ATXN1: variants seen among roughly 807,000 people sequenced by gnomAD.
ATXN1 encodes ataxin-1.
Under a neutral mutation model 56.4 loss-of-function variants are expected in ATXN1, and 8 were observed. The ratio of observed to expected loss-of-function variants is 0.14; its 90% confidence interval spans 0.08 to 0.26. The LOEUF (loss-of-function observed/expected upper bound fraction) is 0.26, where lower values mean the gene tolerates loss of function less well. Ranked by LOEUF, ATXN1 falls within the 10% of genes least tolerant of loss-of-function variation. ATXN1 has a pLI of 1.00. For synonymous variants in ATXN1, 514 were observed against 494.6 expected, an observed-to-expected ratio of 1.04 and a Z score of -0.52; for missense variants, 987 against 1,106.5, an observed-to-expected ratio of 0.89 and a Z score of 1.53.
intron 3 of ATXN1, among the ~76,000 whole-genome samples, chr6:16,617,594 C>A (rs988548394): frequency 2.6e-5 from 4 of 151,892 alleles, no homozygotes; most frequent in African/African-American, 9.7e-5. Flanking sequence ...GAAACCCCGT[C>A]TCTACTAAAA....
intron 6 of ATXN1, among the ~76,000 whole-genome samples, chr6:16,390,728 G>T (rs1758336896): frequency 1.3e-5 from 2 of 151,238 alleles, no homozygotes; most frequent in Non-Finnish European, 2.9e-5. Flanking sequence ...AAGCAATGAA[G>T]ATGGAACAGC....
At chr6:16,398,565 C>G (rs1758500845) in intron 6 of ATXN1, among the ~76,000 whole-genome samples, 1 of 152,098 alleles carries the variant, frequency 6.6e-6, no homozygotes, top group African/African-American at 2.4e-5. Flanking sequence ...TGTGTGCACT[C>G]TCTATATACA....
chr6:16,315,952 G>C (rs929390926), intron 7 of ATXN1, among the ~76,000 whole-genome samples: 3 of 152,192 alleles, frequency 2.0e-5, no homozygotes, highest in African/African-American at 7.2e-5. Flanking sequence ...AAAGTGCTGA[G>C]ATTACAAGCA....
chr6:16,739,183 A>AC (rs1406584746), intron 2 of ATXN1: 1 of 146,578 alleles, frequency 6.8e-6, no homozygotes, highest in East Asian at 2.3e-4. Flanking sequence ...AAAAAAAAAA[A>AC]AAAAAACCCT....
At chr6:16,588,819 G>A (rs1762673096) in intron 3 of ATXN1, among the ~76,000 whole-genome samples, 1 of 152,144 alleles carries the variant, frequency 6.6e-6, no homozygotes, top group Admixed American at 6.6e-5. Flanking sequence ...AGGAAGGTAG[G>A]AAGAAAGGAA....
intron 4 of ATXN1, among the ~76,000 whole-genome samples, chr6:16,581,410 T>G (rs1762528471): frequency 6.6e-6 from 1 of 151,940 alleles, no homozygotes; most frequent in Non-Finnish European, 1.5e-5. Context: ...AAAAGGTTCG[T>G]CAAAGACAGT....
intron 3 of ATXN1, among the ~76,000 whole-genome samples, chr6:16,636,097 C>A (rs73725208): frequency 0.16 from 24,287 of 152,078 alleles, 4,292 homozygotes; most frequent in African/African-American, 0.44. Context: ...CTCCCCATGA[C>A]CTGCCTCCCT....
chr6:16,632,601 C>G (rs1763525265), intron 3 of ATXN1, among the ~76,000 whole-genome samples: 1 of 151,888 alleles, frequency 6.6e-6, no homozygotes, highest in Non-Finnish European at 1.5e-5. Flanking sequence ...GTAAGGGTCT[C>G]GCTGTCAAGA....
intron 5 of ATXN1, among the ~76,000 whole-genome samples, chr6:16,502,443 T>C (rs1760902913): frequency 6.6e-6 from 1 of 152,200 alleles, no homozygotes; most frequent in African/African-American, 2.4e-5. Context: ...TGTAATAGGC[T>C]AAAAATAATG....
intron 4 of ATXN1, among the ~76,000 whole-genome samples, chr6:16,584,243 T>TATATATATATATATAC (rs1403082306): frequency 1.7e-5 from 2 of 118,518 alleles, no homozygotes; most frequent in Non-Finnish European, 3.4e-5. Flanking sequence ...TATATATATA[T>TATATATATATATATAC]ACACACACAC....
intron 2 of ATXN1, among the ~76,000 whole-genome samples, chr6:16,681,660 G>T (rs576423504): frequency 1.3e-5 from 2 of 152,180 alleles, no homozygotes; most frequent in Non-Finnish European, 2.9e-5. Context: ...AGAGCTCAGT[G>T]AATCAACTGC....
At chr6:16,633,874 G>A (rs2113812956) in intron 3 of ATXN1, among the ~76,000 whole-genome samples, 1 of 152,338 alleles carries the variant, frequency 6.6e-6, no homozygotes, top group African/African-American at 2.4e-5. Context: ...TTGCTTTGCA[G>A]ACTAACACAT....
At chr6:16,635,338 T>G (rs1561787847) in intron 3 of ATXN1, among the ~76,000 whole-genome samples, 1 of 152,162 alleles carries the variant, frequency 6.6e-6, no homozygotes, top group Non-Finnish European at 1.5e-5. Context: ...AACATAATAA[T>G]ATAAATAAAG....
At chr6:16,307,100 C>T (rs1760269545) in intron 7 of ATXN1, among the ~76,000 whole-genome samples, 1 of 152,176 alleles carries the variant, frequency 6.6e-6, no homozygotes, top group South Asian at 2.1e-4. Context: ...AAAAGGTCAT[C>T]AATATTCAAA....
chr6:16,664,832 T>C lies in ATXN1; in HGVS notation c.-614-6931A>G, dbSNP rs544564998. Among the ~76,000 whole-genome samples the C allele has an allele frequency of 3.9e-5, 6 of 152,256 alleles. No homozygotes were observed. The Middle Eastern group carries it at 0.01, about 259-fold the overall frequency. The stretch of plus-strand genomic sequence containing the variant: ...AAGGAACTTTTCATTAGGTAGATCA[T>C]ATTTAACAACTATTATACCATATTA... On this transcript the variant is annotated intron_variant, in intron 2 of 7. Transcript: ENST00000436367.
At chr6:16,660,615 A>G (rs1053466233) in intron 2 of ATXN1, among the ~76,000 whole-genome samples, 2 of 152,214 alleles carry the variant, frequency 1.3e-5, no homozygotes, top group East Asian at 1.9e-4. Flanking sequence ...AATGTTTGCC[A>G]TAATTAATTC....
At position 16,327,955 on chromosome 6, in the gene ATXN1, T is replaced by A; in HGVS notation, c.356A>T (p.Gln119Leu). The A allele has an allele frequency of 6.2e-7, 1 of 1,612,984 alleles. No individual in the cohort carries two copies. Among genetic ancestry groups the A allele is most frequent in the Non-Finnish European group, 8.5e-7 (1 of 1,179,838 alleles). Residue 119 changes from glutamine (Q) to leucine (L), a missense_variant, in exon 7 of 8, where the codon CAG (glutamine) becomes CTG (leucine). Physicochemically the swap from Gln to Leu is moderately radical, Grantham distance 113 (BLOSUM62 -2). Transcript: ENST00000436367. ...PQPGTPVSPV[Q>L]YAHLPHTFQF... is the part of the protein sequence containing the mutation. ...GAAGGTGTGCGGCAGGTGAGCGTAC[T>A]GCACGGGGGACACCGGGGTCCCTGG...
At chr6:16,347,231 C>G (rs529559451) in intron 6 of ATXN1, among the ~76,000 whole-genome samples, 2 of 152,250 alleles carry the variant, frequency 1.3e-5, no homozygotes, top group Non-Finnish European at 2.9e-5. Flanking sequence ...TGCGGGCGCA[C>G]GGCACTGGCA....
At chr6:16,759,711 T>C (rs1049658244) in intron 1 of ATXN1, among the ~76,000 whole-genome samples, 4 of 151,938 alleles carry the variant, frequency 2.6e-5, no homozygotes, top group Non-Finnish European at 4.4e-5. Context: ...TTTTTTTGTT[T>C]TGTTTTGTTT....
Sources: gnomAD v4.1 joint callset for allele counts (sites outside exome capture counted in the v4.1 genomes callset) on GRCh38, gnomAD v4.1.1 for gene constraint, MANE v1.5 for transcripts, NCBI Gene and HGNC (gene_info 2026-07-23, HGNC 2026-07-21) for gene names.